The following AKR1C8 variants were observed in gnomAD, a reference collection of about 807,000 sequenced individuals.
AKR1C8 encodes aldo-keto reductase family 1 member C8, also known as aldo-keto reductase family 1 member C-like protein 1.
the AKR1C8 span, among the ~76,000 whole-genome samples, chr10:5,118,224 A>G: frequency 6.6e-6 from 1 of 152,196 alleles, no homozygotes; most frequent in South Asian, 2.1e-4. Context: ...AGGGAAGTTA[A>G]CCAAAAAAAG....
At chr10:5,145,450 G>A in the AKR1C8 span, among the ~76,000 whole-genome samples, 5 of 151,972 alleles carry the variant, frequency 3.3e-5, no homozygotes, top group Admixed American at 3.3e-4. Context: ...CTACTCATCT[G>A]ATAAAGGGCT....
At chr10:5,123,309 T>C in the AKR1C8 span, 2 of 256,176 alleles carry the variant, frequency 7.8e-6, no homozygotes, top group Non-Finnish European at 1.7e-5. Flanking sequence ...TCATTGGAGC[T>C]CTTGACCAGG....
the AKR1C8 span, among the ~76,000 whole-genome samples, chr10:5,157,168 T>C: frequency 1.3e-5 from 2 of 150,394 alleles, no homozygotes; most frequent in African/African-American, 4.9e-5. Flanking sequence ...GCAAATGATG[T>C]AAAATTAATA....
At chr10:5,162,745 T>C in the AKR1C8 span, 3 of 376,344 alleles carry the variant, frequency 8.0e-6, no homozygotes, top group Admixed American at 5.7e-5. Context: ...TATGCCTTCA[T>C]AATATTAGGA....
At chr10:5,140,049 C>T in the AKR1C8 span, among the ~76,000 whole-genome samples, 1 of 152,152 alleles carries the variant, frequency 6.6e-6, no homozygotes, top group Non-Finnish European at 1.5e-5. Flanking sequence ...TGAAAAAATG[C>T]TCATCATCAC....
At chr10:5,161,033 G>A in the AKR1C8 span, 1 of 390,656 alleles carries the variant, frequency 2.6e-6, no homozygotes, top group Non-Finnish European at 5.0e-6. Flanking sequence ...GCCTACATTT[G>A]CATGCACGTG....
the AKR1C8 span, chr10:5,122,204 G>A: frequency 6.3e-6 from 2 of 319,644 alleles, no homozygotes; most frequent in Non-Finnish European, 1.3e-5. Context: ...ACCTTTCCCA[G>A]GACAGCAGCT....
At chr10:5,123,770 C>T in the AKR1C8 span, 2 of 1,613,422 alleles carry the variant, frequency 1.2e-6, no homozygotes, top group Non-Finnish European at 8.5e-7. Flanking sequence ...TGTCTTTTGA[C>T]TTGCAGAAAT....
the AKR1C8 span, among the ~76,000 whole-genome samples, chr10:5,144,020 G>A: frequency 1.3e-5 from 2 of 152,052 alleles, no homozygotes; most frequent in Non-Finnish European, 1.5e-5. Flanking sequence ...AAAAGGCCAG[G>A]AAATTGGTAA....
chr10:5,126,848 A>G, the AKR1C8 span, among the ~76,000 whole-genome samples: 3 of 152,034 alleles, frequency 2.0e-5, no homozygotes, highest in South Asian at 2.1e-4. Flanking sequence ...AACTCTTCAC[A>G]CCTAATAGCA....
At chr10:5,167,111 G>A in the AKR1C8 span, among the ~76,000 whole-genome samples, 6 of 151,426 alleles carry the variant, frequency 4.0e-5, no homozygotes, top group Admixed American at 6.6e-5. Context: ...TTAGAATGGT[G>A]ATCATTAAAA....
chr10:5,145,861 G>T, the AKR1C8 span, among the ~76,000 whole-genome samples: 4 of 152,026 alleles, frequency 2.6e-5, no homozygotes, highest in African/African-American at 7.3e-5. Context: ...TATACCCAAA[G>T]GATTATAAAT....
the AKR1C8 span, among the ~76,000 whole-genome samples, chr10:5,151,104 G>A: frequency 1.3e-5 from 2 of 152,110 alleles, no homozygotes; most frequent in Non-Finnish European, 2.9e-5. Context: ...CAGTTCATGG[G>A]TGGGGGGCAC....
chr10:5,123,903 G>C, the AKR1C8 span: 2 of 1,384,274 alleles, frequency 1.4e-6, no homozygotes, highest in Non-Finnish European at 2.0e-6. Context: ...AAAGTAAAAG[G>C]AGGTGAATAA....
chr10:5,125,099 T>C, the AKR1C8 span, among the ~76,000 whole-genome samples: 5 of 152,170 alleles, frequency 3.3e-5, no homozygotes, highest in Admixed American at 3.3e-4. Context: ...ATTTAACATC[T>C]CTCATTGTTG....
chr10:5,180,243 A>G, the AKR1C8 span, among the ~76,000 whole-genome samples: 1 of 152,230 alleles, frequency 6.6e-6, no homozygotes, highest in South Asian at 2.1e-4. Context: ...GGTCCACTCC[A>G]GACCCTGTTT....
the AKR1C8 span, among the ~76,000 whole-genome samples, chr10:5,184,720 A>G: frequency 1.3e-5 from 2 of 152,238 alleles, no homozygotes; most frequent in African/African-American, 2.4e-5. Flanking sequence ...CACCTAAAAT[A>G]CATGGAAAGC....
the AKR1C8 span, among the ~76,000 whole-genome samples, chr10:5,129,589 T>C: frequency 0.034 from 5,222 of 151,986 alleles, 141 homozygotes; most frequent in Middle Eastern, 0.071. Flanking sequence ...ACTGGACACA[T>C]TACAAATGAT....
chr10:5,180,257 T>C, the AKR1C8 span, among the ~76,000 whole-genome samples: 3 of 152,206 alleles, frequency 2.0e-5, no homozygotes, highest in Non-Finnish European at 1.5e-5. Flanking sequence ...CCTGTTTGTC[T>C]GGGTATCCGC....
Sources: allele counts gnomAD v4.1 joint callset (sites outside exome capture counted in the v4.1 genomes callset), GRCh38; gene constraint gnomAD v4.1.1; transcripts MANE v1.5; gene names NCBI Gene and HGNC (gene_info 2026-07-23, HGNC 2026-07-21).